The following ROR1 variants were observed in gnomAD, a reference collection of about 807,000 sequenced individuals.
ROR1 encodes the protein ROR family WNT receptor 1, also known as inactive tyrosine-protein kinase transmembrane receptor ROR1.
Under a neutral mutation model 78.8 loss-of-function variants are expected in ROR1, and 19 were observed. The ratio of observed to expected loss-of-function variants is 0.24; its 90% CI spans 0.17 to 0.35. ROR1 has a LOEUF of 0.35. Ranked by LOEUF, ROR1 falls within the 10% of genes least tolerant of loss-of-function variation. The pLI is 1.00. For missense variants in ROR1, 917 were observed against 1,177.8 expected (o/e 0.78, Z 3.24); for synonymous variants, 386 against 433.6 (o/e 0.89, Z 1.36).
intron 1 of ROR1, among the ~76,000 whole-genome samples, chr1:63,889,211 A>C (rs543543124): frequency 2.0e-5 from 3 of 152,036 alleles, no homozygotes; most frequent in South Asian, 4.1e-4. Flanking sequence ...TTTATAACCT[A>C]ATTTACAGAA....
intron 1 of ROR1, among the ~76,000 whole-genome samples, chr1:63,933,988 G>A (rs1645774481): frequency 6.6e-6 from 1 of 152,222 alleles, no homozygotes; most frequent in South Asian, 2.1e-4. Context: ...ACCAAGGCTT[G>A]GGAGCTGGGC....
chr1:63,785,801 C>T (rs1644680818), intron 1 of ROR1, among the ~76,000 whole-genome samples: 1 of 152,162 alleles, frequency 6.6e-6, no homozygotes, highest in South Asian at 2.1e-4. Context: ...GCTGGGATTA[C>T]AGGCGTAAGC....
Position 64,049,964 on chromosome 1 carries a change from T to A in ROR1, c.437T>A (p.Leu146Ter). Residue 146 changes from leucine to a stop codon, truncating the protein, a stop_gained, in exon 3 of 9, where the codon TTG (leucine) becomes TAG (stop). Transcript: ENST00000371079. LOFTEE classifies it high-confidence loss of function. ...GKEVVSSTGV[L>*]FVKFGPPPTA... ...GAGGTGGTTTCTTCCACTGGAGTCT[T>A]GTTTGTCAAGTTTGGTAAGCAGACC... is the stretch of plus-strand genomic sequence containing the variant. 6.2e-7 allele frequency: 1 copy of A among 1,614,140 alleles called. No homozygotes were observed. The highest frequency in any genetic ancestry group is 8.5e-7 in the Non-Finnish European group (1 of 1,180,014).
intron 8 of ROR1, among the ~76,000 whole-genome samples, chr1:64,169,921 T>G (rs2100739498): frequency 6.6e-6 from 1 of 152,298 alleles, no homozygotes; most frequent in South Asian, 2.1e-4. Context: ...TGACTCCATG[T>G]CTCACATCCA....
At chr1:63,847,853 A>C (rs1645091124) in intron 1 of ROR1, among the ~76,000 whole-genome samples, 1 of 152,110 alleles carries the variant, frequency 6.6e-6, no homozygotes. Flanking sequence ...GTGTCTACTC[A>C]TCGGTTAGAT....
At chr1:63,863,130 C>T (rs908932837) in intron 1 of ROR1, among the ~76,000 whole-genome samples, 1 of 152,292 alleles carries the variant, frequency 6.6e-6, no homozygotes. Context: ...GTGATTTCTG[C>T]CTTGCTTTAC....
At chr1:64,106,051 G>A (rs1231994847) in intron 4 of ROR1, 1 of 152,092 alleles carries the variant, frequency 6.6e-6, no homozygotes. Flanking sequence ...ACGTTGGACA[G>A]TATGGCCATT....
intron 1 of ROR1, among the ~76,000 whole-genome samples, chr1:63,907,491 A>G (rs749908750): frequency 2.6e-5 from 4 of 152,236 alleles, no homozygotes; most frequent in Admixed American, 1.3e-4. Flanking sequence ...TTATTTAAAA[A>G]GATAGCTTTG....
chr1:63,893,350 G>A (rs1384081089), intron 1 of ROR1, among the ~76,000 whole-genome samples: 1 of 152,106 alleles, frequency 6.6e-6, no homozygotes, highest in Non-Finnish European at 1.5e-5. Flanking sequence ...TGGGAGAGGA[G>A]CAGCAGCCAT....
chr1:64,142,955 T>C lies in ROR1; in HGVS notation c.1174+305T>C, dbSNP rs1053185765. The C allele has an allele frequency of 8.5e-6, 10 of 1,172,966 alleles. No individual in the cohort carries two copies. The African/African-American group carries it at 1.6e-4, about 18-fold the overall frequency. The allele number at this position is 1,172,966 out of a possible 1,614,324, so 72.7% of individuals were successfully genotyped here. ...TCACATTGATTTTTATAGAAAAAGA[T>C]GTTACCCAGAATGGTCTGCGTCCAA... is the stretch of plus-strand genomic sequence containing the variant. On this transcript the variant is annotated intron_variant, in intron 7 of 8. Coordinates refer to ENST00000371079, the MANE Select transcript of ROR1 (RefSeq NM_005012.4).
intron 1 of ROR1, among the ~76,000 whole-genome samples, chr1:63,824,556 C>T (rs1010211543): frequency 6.6e-6 from 1 of 152,144 alleles, no homozygotes; most frequent in African/African-American, 2.4e-5. Flanking sequence ...CAGAAGCATG[C>T]TTTGAGGCTT....
chr1:64,101,513 T>C (rs1448505476), intron 4 of ROR1, among the ~76,000 whole-genome samples: 1 of 151,948 alleles, frequency 6.6e-6, no homozygotes, highest in Admixed American at 6.5e-5. Flanking sequence ...GCCCTGAGAT[T>C]TTCCTTCAGC....
chr1:63,849,070 G>T (rs6656546), intron 1 of ROR1, among the ~76,000 whole-genome samples: 1 of 151,942 alleles, frequency 6.6e-6, no homozygotes, highest in Non-Finnish European at 1.5e-5. Context: ...GCTATGCCTG[G>T]CTCTGAGATA....
intron 1 of ROR1, among the ~76,000 whole-genome samples, chr1:63,973,995 T>C (rs747951972): frequency 8.5e-5 from 13 of 152,248 alleles, no homozygotes; most frequent in Non-Finnish European, 1.5e-4. Context: ...AAAACTCATA[T>C]GTGTAATAAA....
At chr1:63,984,468 AGTGATGGCTTT>A (rs1421508681) in intron 1 of ROR1, among the ~76,000 whole-genome samples, 1 of 152,186 alleles carries the variant, frequency 6.6e-6, no homozygotes, top group African/African-American at 2.4e-5. Context: ...TTAAGTGCAT[AGTGATGGCTTT>A]GTGGCTCAGG....
chr1:64,064,317 A>G (rs754399602), intron 4 of ROR1, among the ~76,000 whole-genome samples: 4 of 152,210 alleles, frequency 2.6e-5, no homozygotes, highest in Non-Finnish European at 2.9e-5. Context: ...TCATGAGAAG[A>G]TGCTTCCACT....
At chr1:63,917,536 A>G (rs1645618345) in intron 1 of ROR1, among the ~76,000 whole-genome samples, 3 of 152,332 alleles carry the variant, frequency 2.0e-5, no homozygotes, top group Admixed American at 1.3e-4. Context: ...CCAATCCCCT[A>G]TTGCTAGACT....
At chr1:63,918,488 C>T (rs17125806) in intron 1 of ROR1, among the ~76,000 whole-genome samples, 3,944 of 152,194 alleles carry the variant, frequency 0.026, 172 homozygotes, top group African/African-American at 0.09. Flanking sequence ...TTCTTAAGAA[C>T]GGGGCGTGGT....
intron 1 of ROR1, among the ~76,000 whole-genome samples, chr1:63,779,814 C>T (rs1644640189): frequency 2.0e-5 from 3 of 151,988 alleles, no homozygotes. Flanking sequence ...TCATCCCCTG[C>T]CCCCAGCCAC....
Sources: allele counts gnomAD v4.1 joint callset (sites outside exome capture counted in the v4.1 genomes callset), GRCh38; gene constraint gnomAD v4.1.1; transcripts MANE v1.5; gene names NCBI Gene and HGNC (gene_info 2026-07-23, HGNC 2026-07-21).